Variants in ZMYND11 observed in about 807,000 individuals in gnomAD.
ZMYND11 encodes the protein zinc finger MYND domain-containing protein 11.
ZMYND11 carries 9 observed loss-of-function variants against 84.9 expected under a neutral mutation model. That is an observed-to-expected ratio of 0.11 (90% CI 0.06 to 0.18). The LOEUF (loss-of-function observed/expected upper bound fraction) is 0.18. Among genes scored for constraint, ZMYND11 ranks in the 10% least tolerant of loss-of-function variants. The pLI is 1.00. For synonymous variants in ZMYND11, 250 were observed against 244.1 expected, an observed-to-expected ratio of 1.02 and a Z score of -0.23; for missense variants, 409 against 761.0, an observed-to-expected ratio of 0.54 and a Z score of 5.44.
intron 2 of ZMYND11, among the ~76,000 whole-genome samples, chr10:183,309 C>T (rs949820573): frequency 6.6e-6 from 1 of 151,682 alleles, no homozygotes; most frequent in Non-Finnish European, 1.5e-5. Context: ...GATTGCATCC[C>T]TGTAGTCTAG....
chr10:169,699 CTG>C (rs1424717356), intron 1 of ZMYND11, among the ~76,000 whole-genome samples: 1 of 152,060 alleles, frequency 6.6e-6, no homozygotes, highest in Non-Finnish European at 1.5e-5. Context: ...GAGAGAATCT[CTG>C]AATGTGAGCA....
intron 1 of ZMYND11, among the ~76,000 whole-genome samples, chr10:145,073 C>T (rs1358701455): frequency 6.6e-6 from 1 of 150,962 alleles, no homozygotes; most frequent in Non-Finnish European, 1.5e-5. Context: ...CCTCTAGCTT[C>T]ATTCAGGTTT....
At chr10:199,958 G>A (rs1360625617) in intron 2 of ZMYND11, among the ~76,000 whole-genome samples, 1 of 151,674 alleles carries the variant, frequency 6.6e-6, no homozygotes, top group Admixed American at 6.6e-5. Flanking sequence ...TCTACCTCCT[G>A]GGCTCAAGCA....
chr10:144,731 AAT>A (rs1210145059), intron 1 of ZMYND11, among the ~76,000 whole-genome samples: 1 of 146,436 alleles, frequency 6.8e-6, no homozygotes, highest in Non-Finnish European at 1.5e-5. Context: ...CTACATATAA[AAT>A]ATATATATAA....
intron 1 of ZMYND11, among the ~76,000 whole-genome samples, chr10:148,982 G>T (rs2131286150): frequency 6.6e-6 from 1 of 152,260 alleles, no homozygotes; most frequent in Non-Finnish European, 1.5e-5. Flanking sequence ...TGCTGAGTTA[G>T]AATTGCATTT....
chr10:249,351 TATATAATTTCTCCATCTATGC>T, intron 14 of ZMYND11: 1 of 1,209,544 alleles, frequency 8.3e-7, no homozygotes, highest in African/African-American at 1.6e-5. Context: ...ACAATTAACT[TATATAATTTCTCCATCTATGC>T]ATATATTTTA....
chr10:234,557 G>T (rs1949593557), intron 4 of ZMYND11, among the ~76,000 whole-genome samples: 2 of 152,150 alleles, frequency 1.3e-5, no homozygotes, highest in Admixed American at 1.3e-4. Flanking sequence ...CTTCTAACCT[G>T]GTGTAGATTG....
chr10:177,394 A>G (rs1428335718), intron 1 of ZMYND11, among the ~76,000 whole-genome samples: 1 of 152,126 alleles, frequency 6.6e-6, no homozygotes, highest in Non-Finnish European at 1.5e-5. Context: ...CTGTATTACA[A>G]GGTATGTTTA....
chr10:156,120 T>C (rs1841655726), intron 1 of ZMYND11, among the ~76,000 whole-genome samples: 1 of 152,192 alleles, frequency 6.6e-6, no homozygotes. Flanking sequence ...TGGAGGATAC[T>C]ATGGGTTTCA....
At chr10:209,114 A>G (rs947173912) in intron 2 of ZMYND11, among the ~76,000 whole-genome samples, 2 of 152,076 alleles carry the variant, frequency 1.3e-5, no homozygotes, top group Non-Finnish European at 2.9e-5. Flanking sequence ...CACAAATCCA[A>G]CTTTATAACA....
chr10:144,741 T>A (rs1340798931), intron 1 of ZMYND11, among the ~76,000 whole-genome samples: 2 of 145,538 alleles, frequency 1.4e-5, no homozygotes, highest in Non-Finnish European at 3.0e-5. Flanking sequence ...AATATATATA[T>A]AATATATATA....
At chr10:176,843 A>G (rs1452907432) in intron 1 of ZMYND11, among the ~76,000 whole-genome samples, 1 of 152,180 alleles carries the variant, frequency 6.6e-6, no homozygotes, top group African/African-American at 2.4e-5. Flanking sequence ...AGAGAACTGC[A>G]TAAACAAAGA....
intron 1 of ZMYND11, among the ~76,000 whole-genome samples, chr10:144,517 T>G (rs1554754730): frequency 6.6e-6 from 1 of 152,078 alleles, no homozygotes; most frequent in African/African-American, 2.4e-5. Context: ...CCACCTTGCC[T>G]GGCCTATTTT....
At chr10:169,617 C>T (rs782021705) in intron 1 of ZMYND11, among the ~76,000 whole-genome samples, 6 of 152,146 alleles carry the variant, frequency 3.9e-5, no homozygotes, top group Middle Eastern at 6.8e-3. Context: ...TCAAGAAGTG[C>T]GAGAGATCAA....
chr10:221,980 A>ATTGT (rs2131429753), intron 4 of ZMYND11, among the ~76,000 whole-genome samples: 1 of 152,282 alleles, frequency 6.6e-6, no homozygotes, highest in South Asian at 2.1e-4. Flanking sequence ...ACATACTGTG[A>ATTGT]TTGTTAGTTG....
rs181859085 is a variant in ZMYND11 at position 206,749 on chromosome 10, C to T, written c.117-3140C>T. Among the ~76,000 whole-genome samples the T allele has an allele frequency of 3.3e-3, 499 of 152,202 alleles. 5 individuals carry two copies. Among genetic ancestry groups the T allele is most frequent in the African/African-American group, 0.011 (451 of 41,532 alleles). Reference sequence around the variant, plus strand: ...GGTTTTGGTCTTCTCATACGTACTACGCCTTCTGTTTTTATCACTTTATCA... The same window carrying T: ...GGTTTTGGTCTTCTCATACGTACTATGCCTTCTGTTTTTATCACTTTATCA... On this transcript the variant is annotated intron_variant, in intron 2 of 14. Coordinates refer to ENST00000381604, the MANE Select transcript of ZMYND11 (RefSeq NM_001370100.5).
intron 6 of ZMYND11, among the ~76,000 whole-genome samples, chr10:238,239 GT>G (rs1327390530): frequency 2.6e-5 from 4 of 152,262 alleles, no homozygotes; most frequent in African/African-American, 9.6e-5. Context: ...TGCAGTCAGG[GT>G]TACTGAATTA....
chr10:217,987 T>A (rs1275649760), intron 3 of ZMYND11, among the ~76,000 whole-genome samples: 1 of 152,194 alleles, frequency 6.6e-6, no homozygotes, highest in Non-Finnish European at 1.5e-5. Flanking sequence ...ATAAATTTCA[T>A]GTTATGGTGA....
chr10:218,936 G>C (rs760891666), intron 3 of ZMYND11, among the ~76,000 whole-genome samples: 1 of 152,142 alleles, frequency 6.6e-6, no homozygotes, highest in Non-Finnish European at 1.5e-5. Flanking sequence ...TAGTAACTTT[G>C]AACTTGACTT....
Sources: gnomAD v4.1 joint callset for allele counts (sites outside exome capture counted in the v4.1 genomes callset) on GRCh38, gnomAD v4.1.1 for gene constraint, MANE v1.5 for transcripts, NCBI Gene and HGNC (gene_info 2026-07-23, HGNC 2026-07-21) for gene names.